The following SORBS2 variants were observed in gnomAD, a reference collection of about 807,000 sequenced individuals.
SORBS2 encodes sorbin and SH3 domain-containing protein 2.
SORBS2 carries 46 observed loss-of-function variants against 97.7 expected under a neutral mutation model. The ratio of observed to expected loss-of-function variants is 0.47; its 90% CI spans 0.37 to 0.60. The LOEUF (loss-of-function observed/expected upper bound fraction) is 0.60, where lower values mean the gene tolerates loss of function less well. Ranked by LOEUF, SORBS2 falls within the 20% of genes least tolerant of loss-of-function variation. The probability of loss-of-function intolerance (pLI) is 0.00; values close to 1 mark genes in which losing one functional copy is unlikely to be tolerated. For missense variants in SORBS2, 1,316 were observed against 1,282.3 expected (o/e 1.03, Z -0.40); for synonymous variants, 476 against 473.4 (o/e 1.01, Z -0.07).
In SORBS2 at chr4:185,954,734, C is replaced by T. The variant is rs1019866856; in HGVS notation, c.-338+1462G>A. Among the ~76,000 whole-genome samples, 4 of 151,990 alleles carry T rather than the reference C, an allele frequency of 2.6e-5. No homozygotes were observed. The South Asian group carries it at 6.2e-4, about 24-fold the overall frequency. ...CAGCACTTTGGGAGGCTGAGGCAGG[C>T]GGATCACGAGGTCAGGAGTTCGAGA... On this transcript the variant is annotated intron_variant, in intron 1 of 20. Coordinates refer to the SORBS2 transcript ENST00000284776.
intron 2 of SORBS2, among the ~76,000 whole-genome samples, chr4:185,690,258 G>A (rs898303869): frequency 6.6e-6 from 1 of 152,146 alleles, no homozygotes; most frequent in African/African-American, 2.4e-5. Flanking sequence ...TTTTAAGTGA[G>A]AGATTTCAAA....
At chr4:185,722,733 T>A (rs568561046) in intron 2 of SORBS2, among the ~76,000 whole-genome samples, 43 of 152,308 alleles carry the variant, frequency 2.8e-4, no homozygotes, top group African/African-American at 1.0e-3. Context: ...AATTAAAGGC[T>A]GAATCACTGA....
chr4:185,793,102 A>G (rs2099088807), intron 1 of SORBS2, among the ~76,000 whole-genome samples: 1 of 152,258 alleles, frequency 6.6e-6, no homozygotes, highest in African/African-American at 2.4e-5. Flanking sequence ...CTGTTATTTT[A>G]CTTTCTTAAC....
At chr4:185,595,709 G>A (rs1390459223) in intron 12 of SORBS2, among the ~76,000 whole-genome samples, 3 of 148,278 alleles carry the variant, frequency 2.0e-5, no homozygotes, top group Admixed American at 6.7e-5. Context: ...ACATATCATA[G>A]TTTTCTTAAC....
At position 185,801,666 on chromosome 4, in the gene SORBS2, ATCTC is replaced by A. The variant is rs59944716; in HGVS notation, c.-337-26304_-337-26301del. 9.9e-3 allele frequency among the ~76,000 whole-genome samples: 974 copies of A among 98,052 alleles called. 9 individuals carry two copies. The highest frequency in any genetic ancestry group is 0.036 in the African/African-American group (883 of 24,562). 64.3% of individuals were successfully genotyped at this position (98,052 alleles called of 152,430 possible). A position where few individuals can be genotyped will look rare whatever the true frequency, so the allele number is the denominator to read the frequency against. On this transcript the variant is annotated intron_variant, in intron 1 of 20. Coordinates refer to the SORBS2 transcript ENST00000284776. ...CCTTTGCCCATTTTTTAACTGAATC[ATCTC>A]TCTCTCTCTCTCTCTCTCTCTGTGT...
At chr4:185,877,873 A>G (rs2099234491) in intron 1 of SORBS2, among the ~76,000 whole-genome samples, 1 of 107,838 alleles carries the variant, frequency 9.3e-6, no homozygotes, top group South Asian at 3.1e-4. Context: ...CTGTCAAAAA[A>G]CAAAAAAAAA....
intron 1 of SORBS2, among the ~76,000 whole-genome samples, chr4:185,821,896 T>G (rs1473478615): frequency 6.6e-6 from 1 of 152,202 alleles, no homozygotes. Context: ...GAACACCTTC[T>G]TCTGTGCAAG....
At chr4:185,710,894 C>T (rs56341407) in intron 2 of SORBS2, among the ~76,000 whole-genome samples, 29,595 of 152,210 alleles carry the variant, frequency 0.19, 3,042 homozygotes, top group Middle Eastern at 0.24. Context: ...AGTCACATCC[C>T]TGTCAGGAAA....
chr4:185,655,189 A>G (rs2097377790), intron 1 of SORBS2, among the ~76,000 whole-genome samples: 1 of 152,218 alleles, frequency 6.6e-6, no homozygotes, highest in Non-Finnish European at 1.5e-5. Context: ...CTGCATTAAA[A>G]TAGCTCAAAA....
intron 1 of SORBS2, among the ~76,000 whole-genome samples, chr4:185,938,005 A>C (rs932183891): frequency 9.3e-5 from 11 of 118,074 alleles, no homozygotes; most frequent in Admixed American, 1.9e-4. Flanking sequence ...TAGAGAAATC[A>C]TTCTTTTTTT....
intron 4 of SORBS2, among the ~76,000 whole-genome samples, chr4:185,631,879 TTGA>T (rs1186159940): frequency 2.0e-5 from 3 of 152,262 alleles, no homozygotes; most frequent in Non-Finnish European, 4.4e-5. Context: ...TTGGTCATAT[TTGA>T]TGATCAATTC....
At chr4:185,631,253 A>G (rs1229220411) in intron 4 of SORBS2, among the ~76,000 whole-genome samples, 1 of 152,246 alleles carries the variant, frequency 6.6e-6, no homozygotes, top group Non-Finnish European at 1.5e-5. Flanking sequence ...AAAATAAATG[A>G]GCTAATGAAG....
At chr4:185,624,605 C>T in intron 6 of SORBS2, 111 bp from the exon 19 acceptor site, 1 of 1,195,384 alleles carries the variant, frequency 8.4e-7, no homozygotes, top group Non-Finnish European at 1.1e-6. Context: ...AAGGAGAAAG[C>T]AGTTAGTGTG....
chr4:185,691,890 A>G (rs368367278), intron 2 of SORBS2, among the ~76,000 whole-genome samples: 2,055 of 152,186 alleles, frequency 0.014, 36 homozygotes, highest in African/African-American at 0.036. Flanking sequence ...GACTACAGGC[A>G]CCCGCCACCA....
chr4:185,829,269 T>A (rs185537453), intron 1 of SORBS2, among the ~76,000 whole-genome samples: 1 of 152,288 alleles, frequency 6.6e-6, no homozygotes, highest in Admixed American at 6.5e-5. Flanking sequence ...CGGTGTGATG[T>A]GGTTGGCAAA....
At chr4:185,720,351 T>A (rs948098680) in intron 2 of SORBS2, among the ~76,000 whole-genome samples, 9 of 152,246 alleles carry the variant, frequency 5.9e-5, no homozygotes, top group African/African-American at 2.2e-4. Flanking sequence ...TTTATATTTA[T>A]GTATAATCAT....
At chr4:185,799,190 C>T (rs867548950) in intron 1 of SORBS2, among the ~76,000 whole-genome samples, 8 of 152,250 alleles carry the variant, frequency 5.3e-5, no homozygotes, top group Admixed American at 6.5e-5. Flanking sequence ...AGCAGAAGCT[C>T]TGGAGTCAGT....
intron 1 of SORBS2, among the ~76,000 whole-genome samples, chr4:185,870,814 T>A (rs1180496111): frequency 6.6e-6 from 1 of 152,204 alleles, no homozygotes; most frequent in East Asian, 1.9e-4. Flanking sequence ...ATTCCTTTTT[T>A]TTCTAAATAA....
At chr4:185,613,400 A>G (rs1349129439) in intron 11 of SORBS2, among the ~76,000 whole-genome samples, 3 of 152,192 alleles carry the variant, frequency 2.0e-5, no homozygotes, top group African/African-American at 7.2e-5. Context: ...CTGTAATCCC[A>G]GCACTTTGGG....
Sources: allele counts gnomAD v4.1 joint callset (sites outside exome capture counted in the v4.1 genomes callset), GRCh38; gene constraint gnomAD v4.1.1; transcripts MANE v1.5; gene names NCBI Gene and HGNC (gene_info 2026-07-23, HGNC 2026-07-21).